The following DCDC1 variants were observed in gnomAD, a reference collection of about 807,000 sequenced individuals.
DCDC1 encodes doublecortin domain containing 1.
In DCDC1, 200 loss-of-function variants were observed where a neutral mutation model predicts 178.3. That is an observed-to-expected ratio of 1.12 (90% CI 1.00 to 1.26). The LOEUF (loss-of-function observed/expected upper bound fraction) is 1.26. Ranked by LOEUF, DCDC1 falls within the 50% of genes most tolerant of loss-of-function variation. The probability of loss-of-function intolerance (pLI) is 0.00; values close to 1 mark genes in which losing one functional copy is unlikely to be tolerated. For synonymous variants in DCDC1, 690 were observed against 604.8 expected (o/e 1.14, Z -2.07); for missense variants, 1,983 against 1,749.2 (o/e 1.13, Z -2.38).
At chr11:31,112,231 T>A (rs78404334) in intron 11 of DCDC1, among the ~76,000 whole-genome samples, 130 of 152,322 alleles carry the variant, frequency 8.5e-4, no homozygotes, top group African/African-American at 3.1e-3. Flanking sequence ...TCAGCTCTAG[T>A]TTTTAAGCTC....
intron 20 of DCDC1, among the ~76,000 whole-genome samples, chr11:31,055,561 T>C (rs906023066): frequency 2.0e-5 from 3 of 152,234 alleles, no homozygotes; most frequent in Non-Finnish European, 4.4e-5. Context: ...TGCGTGTTTA[T>C]AGCAGCACAA....
chr11:31,198,188 A>C (rs1215816602), intron 9 of DCDC1, among the ~76,000 whole-genome samples: 2 of 151,996 alleles, frequency 1.3e-5, no homozygotes, highest in Non-Finnish European at 2.9e-5. Flanking sequence ...ATATATGTAA[A>C]GGGTTGTCAT....
chr11:31,294,682 GAGAA>G (rs1332696850), intron 6 of DCDC1, among the ~76,000 whole-genome samples: 4 of 58,970 alleles, frequency 6.8e-5, no homozygotes, highest in Non-Finnish European at 9.8e-5. Flanking sequence ...GAAGGGGAGA[GAGAA>G]AGAAAGAAAG....
At chr11:30,996,883 C>T (rs1024384641) in intron 20 of DCDC1, among the ~76,000 whole-genome samples, 3 of 152,152 alleles carry the variant, frequency 2.0e-5, no homozygotes, top group South Asian at 2.1e-4. Context: ...CGCATAAAAA[C>T]GTACATGAAC....
At chr11:31,179,355 T>C (rs529209287) in intron 9 of DCDC1, among the ~76,000 whole-genome samples, 3 of 152,318 alleles carry the variant, frequency 2.0e-5, no homozygotes, top group East Asian at 3.9e-4. Flanking sequence ...GAAATAACTA[T>C]GTCCAAGACA....
At chr11:30,918,445 A>G (rs1337206657) in intron 25 of DCDC1, among the ~76,000 whole-genome samples, 1 of 152,234 alleles carries the variant, frequency 6.6e-6, no homozygotes, top group African/African-American at 2.4e-5. Context: ...GAGATTAAAT[A>G]GACAAGTAAA....
intron 9 of DCDC1, among the ~76,000 whole-genome samples, chr11:31,190,704 C>A (rs1970034988): frequency 1.3e-5 from 2 of 152,068 alleles, no homozygotes; most frequent in South Asian, 4.1e-4. Flanking sequence ...CAGGTGTGAG[C>A]AAACTTTAAA....
Position 31,007,224 on chromosome 11 carries a change from G to C in DCDC1, c.2592-54656C>G, listed in dbSNP as rs376532023. Among the ~76,000 whole-genome samples the C allele has an allele frequency of 5.9e-5, 9 of 152,300 alleles. 1 individual carries two copies. In the East Asian group the frequency reaches 1.5e-3, roughly 26 times the overall value. On this transcript the variant is annotated intron_variant, in intron 20 of 38. Transcript: ENST00000684477. ...GAATTGAGATATGGGACAAGAAAAG[G>C]AGTTTCTAGGAAATTAGAGAAAACA...
chr11:31,284,901 G>C (rs1591640837), intron 7 of DCDC1, among the ~76,000 whole-genome samples: 1 of 151,878 alleles, frequency 6.6e-6, no homozygotes, highest in African/African-American at 2.4e-5. Flanking sequence ...GGCCTCCCAA[G>C]GTGCTGGAAT....
intron 20 of DCDC1, among the ~76,000 whole-genome samples, chr11:31,059,094 T>C (rs1427171445): frequency 6.6e-6 from 1 of 151,974 alleles, no homozygotes; most frequent in Non-Finnish European, 1.5e-5. Flanking sequence ...TAGTTGAAGG[T>C]TTGGGTACCT....
intron 9 of DCDC1, among the ~76,000 whole-genome samples, chr11:31,231,503 C>T (rs947495454): frequency 3.9e-5 from 6 of 152,056 alleles, no homozygotes; most frequent in African/African-American, 9.7e-5. Flanking sequence ...AGAAAAGAGA[C>T]GGCATTCCCT....
chr11:31,334,505 C>A (rs1950170991), intron 2 of DCDC1, among the ~76,000 whole-genome samples: 1 of 152,214 alleles, frequency 6.6e-6, no homozygotes, highest in Non-Finnish European at 1.5e-5. Context: ...AGTTTCCCTC[C>A]ATCTTTGTGG....
intron 9 of DCDC1, 63 bp from the exon 10 acceptor site, chr11:31,137,847 T>C (rs1963348482): frequency 3.0e-6 from 2 of 665,334 alleles, no homozygotes; most frequent in Non-Finnish European, 5.4e-6. Context: ...GCAACATTTA[T>C]TCAAACAACT....
chr11:31,094,322 C>T (rs968947513), intron 15 of DCDC1, 138 bp from the exon 16 acceptor site: 1 of 612,998 alleles, frequency 1.6e-6, no homozygotes, highest in Non-Finnish European at 2.9e-6. Context: ...GCATTCAATC[C>T]CCTTTAATTC....
chr11:31,211,187 G>A (rs1163402089), intron 9 of DCDC1, among the ~76,000 whole-genome samples: 1 of 152,142 alleles, frequency 6.6e-6, no homozygotes, highest in East Asian at 1.9e-4. Context: ...GGGGATCAGA[G>A]CTAGACTGTA....
chr11:31,257,608 A>T (rs1338186521), intron 8 of DCDC1, among the ~76,000 whole-genome samples: 1 of 151,954 alleles, frequency 6.6e-6, no homozygotes, highest in Non-Finnish European at 1.5e-5. Context: ...AAATAAGACA[A>T]ACTGATTTAA....
Position 31,230,445 on chromosome 11 carries a change from C to G in DCDC1, c.1221+11005G>C, listed in dbSNP as rs1014851523. Among the ~76,000 whole-genome samples, 5 of 151,976 alleles carry G rather than the reference C, an allele frequency of 3.3e-5. 1 individual carries two copies. The highest frequency in any genetic ancestry group is 7.4e-5 in the Non-Finnish European group (5 of 68,018). ...ACTGCAGAGGCTGAGGGGTGGTTCA[C>G]GCAGGCCAAGAGCAAGATGGAAAAA... On this transcript the variant is annotated intron_variant, in intron 9 of 38. Transcript: ENST00000684477.
At chr11:31,076,270 T>G (rs1417907185) in intron 18 of DCDC1, among the ~76,000 whole-genome samples, 1 of 152,222 alleles carries the variant, frequency 6.6e-6, no homozygotes, top group Non-Finnish European at 1.5e-5. Context: ...TAGTCTATTG[T>G]TGAAGCTCTC....
intron 1 of DCDC1, among the ~76,000 whole-genome samples, chr11:31,355,841 C>G (rs1280548605): frequency 1.3e-5 from 2 of 152,070 alleles, no homozygotes; most frequent in East Asian, 1.9e-4. Context: ...GGTGCTGGGA[C>G]TACTGGTGGG....
Sources: gnomAD v4.1 joint callset for allele counts (sites outside exome capture counted in the v4.1 genomes callset) on GRCh38, gnomAD v4.1.1 for gene constraint, MANE v1.5 for transcripts, NCBI Gene and HGNC (gene_info 2026-07-23, HGNC 2026-07-21) for gene names.